CPSF6: variants seen among roughly 807,000 people sequenced by gnomAD.
CPSF6 encodes cleavage and polyadenylation specific factor 6, also known as cleavage and polyadenylation specificity factor subunit 6.
In CPSF6, 10 loss-of-function variants were observed where a neutral mutation model predicts 56.7. The observed-to-expected ratio is 0.18, with a 90% CI of 0.11 to 0.30. CPSF6 has a LOEUF of 0.30. Ranked by LOEUF, CPSF6 falls within the 10% of genes least tolerant of loss-of-function variation. The pLI is 1.00. For synonymous variants in CPSF6, 248 were observed against 244.8 expected (o/e 1.01, Z -0.12); for missense variants, 419 against 722.9 (o/e 0.58, Z 4.82).
intron 9 of CPSF6, among the ~76,000 whole-genome samples, chr12:69,268,880 AAAAGT>A (rs1442717260): frequency 6.6e-6 from 1 of 151,816 alleles, no homozygotes; most frequent in Non-Finnish European, 1.5e-5. Flanking sequence ...GGAATAGACT[AAAAGT>A]AAAGTAAATG....
intron 9 of CPSF6, among the ~76,000 whole-genome samples, chr12:69,263,931 A>AAC (rs938053699): frequency 6.6e-6 from 1 of 152,088 alleles, no homozygotes; most frequent in Non-Finnish European, 1.5e-5. Flanking sequence ...TACAAAATTT[A>AAC]ATATAAATCT....
chr12:69,246,954 C>G (rs960113014), intron 1 of CPSF6, among the ~76,000 whole-genome samples: 2 of 152,142 alleles, frequency 1.3e-5, no homozygotes, highest in Non-Finnish European at 2.9e-5. Context: ...CATGAACCAC[C>G]ATGCCTAGCC....
At position 69,239,709 on chromosome 12, in the gene CPSF6, A is replaced by G. The variant is rs774787655; in HGVS notation, c.60+3A>G. On this transcript the variant is annotated splice_donor_region_variant and intron_variant, in intron 1 of 9. Transcript: ENST00000435070. ...ATGTCGGCGAAGAGTTCAACCAGGTACGTGAGAGCCCAGGTCCCCGCCGCC... is the reference window on the plus strand; with the variant it reads ...ATGTCGGCGAAGAGTTCAACCAGGTGCGTGAGAGCCCAGGTCCCCGCCGCC... 6.3e-7 allele frequency: 1 copy of G among 1,580,608 alleles called. No homozygotes were observed. Among genetic ancestry groups the G allele is most frequent in the Admixed American group, 1.8e-5 (1 of 56,916 alleles).
At chr12:69,268,815 C>T (rs1873113423) in intron 9 of CPSF6, among the ~76,000 whole-genome samples, 1 of 151,458 alleles carries the variant, frequency 6.6e-6, no homozygotes, top group Admixed American at 6.6e-5. Context: ...TGTAGATTCC[C>T]ACTTAGCTTG....
Position 69,270,715 on chromosome 12 carries a change from G to T in CPSF6, c.*1207G>T, listed in dbSNP as rs1233360551. 1.3e-5 allele frequency: 2 copies of T among 151,636 alleles called. No homozygotes were observed. Among genetic ancestry groups the T allele is most frequent in the Non-Finnish European group, 3.0e-5 (2 of 67,622 alleles). 9.4% of individuals were successfully genotyped at this position (151,636 alleles called of 1,614,324 possible). ...TTCATGCTATAGTTACTTAATCAAAGATTTTTTTCAAACCTGCCTTACATA... is the reference window on the plus strand; with the variant it reads ...TTCATGCTATAGTTACTTAATCAAATATTTTTTTCAAACCTGCCTTACATA... On this transcript the variant is annotated 3_prime_UTR_variant, in exon 10 of 10. Transcript: ENST00000435070.
rs530045594 is a variant in CPSF6, at chr12:69,252,938, A to C, written c.271-113A>C. Reference sequence around the variant, plus strand: ...TGGCCATAACTAGACTTAGATTTGCACTCAGCATTTATTTTCTCTTTTATG... The same window carrying C: ...TGGCCATAACTAGACTTAGATTTGCCCTCAGCATTTATTTTCTCTTTTATG... On this transcript the variant is annotated intron_variant, in intron 2 of 9. Coordinates refer to ENST00000435070, the MANE Select transcript of CPSF6 (RefSeq NM_007007.3). The C allele has an allele frequency of 1.4e-5, 9 of 620,868 alleles. No homozygotes were observed. The East Asian group carries it at 2.6e-4, about 18-fold the overall frequency. The allele number at this position is 620,868 out of a possible 1,614,324, so 38.5% of individuals were successfully genotyped here.
intron 3 of CPSF6, 87 bp from the exon 4 acceptor site, chr12:69,256,610 G>A: frequency 7.5e-7 from 1 of 1,327,004 alleles, no homozygotes. Flanking sequence ...TTAGATAAAA[G>A]CAGATTAAGA....
chr12:69,264,387 G>A (rs959834597), intron 9 of CPSF6, among the ~76,000 whole-genome samples: 8 of 151,980 alleles, frequency 5.3e-5, no homozygotes, highest in Admixed American at 1.3e-4. Context: ...AATTTCTACT[G>A]GTTTTAGTAA....
chr12:69,257,873 C>T lies in CPSF6; in HGVS notation c.662C>T (p.Ala221Val), dbSNP rs1332825024. 6.2e-7 allele frequency: 1 copy of T among 1,603,930 alleles called. No homozygotes were observed. Among genetic ancestry groups the T allele is most frequent in the South Asian group, 1.1e-5 (1 of 89,650 alleles). ...VPGGDRFPGP[A>V]GPGGPPPPFP... ...GGTGGGGACAGATTTCCTGGGCCAG[C>T]AGGACCAGGAGGGCCACCCCCACCT... The change falls in exon 5 of 10, where the codon GCA becomes GTA. Residue 221 changes from alanine (A) to valine (V), a missense_variant. Physicochemically the swap from Ala to Val is moderately conservative, Grantham distance 64. Coordinates refer to ENST00000435070, the MANE Select transcript of CPSF6 (RefSeq NM_007007.3).
intron 5 of CPSF6, 26 bp downstream of exon 5, chr12:69,257,931 G>T (rs1175206560): frequency 1.9e-6 from 3 of 1,594,404 alleles, no homozygotes; most frequent in African/African-American, 2.7e-5. Flanking sequence ...AATTACCATG[G>T]ATAAAACATG....
At chr12:69,256,547 A>G (rs1273716911) in intron 3 of CPSF6, 150 bp from the exon 4 acceptor site, 5 of 705,394 alleles carry the variant, frequency 7.1e-6, no homozygotes, top group Non-Finnish European at 8.9e-6. Flanking sequence ...TCGTGCCTCA[A>G]CCTTCTAAGC....
chr12:69,259,205 G>A, intron 6 of CPSF6, 111 bp downstream of exon 6: 1 of 1,329,726 alleles, frequency 7.5e-7, no homozygotes, highest in Non-Finnish European at 1.0e-6. Context: ...CCAAGAAGAT[G>A]AGGTGTTTAA....
intron 1 of CPSF6, among the ~76,000 whole-genome samples, chr12:69,247,669 A>T (rs1047190595): frequency 2.0e-5 from 3 of 152,162 alleles, no homozygotes; most frequent in African/African-American, 7.2e-5. Flanking sequence ...ATGACCTGTG[A>T]TATACATTTT....
intron 9 of CPSF6, 59 bp from the exon 10 acceptor site, chr12:69,269,453 T>A (rs2120653993): frequency 8.9e-6 from 4 of 448,834 alleles, no homozygotes; most frequent in African/African-American, 2.0e-5. Context: ...TAAGCCAGCG[T>A]TTTTCTGTGT....
intron 9 of CPSF6, 30 bp from the exon 10 acceptor site, chr12:69,269,482 A>T (rs1352699422): frequency 2.2e-6 from 1 of 452,748 alleles, no homozygotes; most frequent in Non-Finnish European, 4.4e-6. Context: ...GAATAGCAAA[A>T]TCTACATCAC....
chr12:69,260,310 G>T, intron 8 of CPSF6, 113 bp downstream of exon 8: 1 of 771,810 alleles, frequency 1.3e-6, no homozygotes, highest in Non-Finnish European at 1.9e-6. Flanking sequence ...TTATTTAGCA[G>T]CTGGAGTGGT....
chr12:69,268,979 C>G (rs1313245076), intron 9 of CPSF6, among the ~76,000 whole-genome samples: 1 of 151,830 alleles, frequency 6.6e-6, no homozygotes, highest in African/African-American at 2.4e-5. Flanking sequence ...ATCTTACTTA[C>G]AAATTTTGTA....
At chr12:69,265,009 AAAGGGC>A (rs768550775) in intron 9 of CPSF6, among the ~76,000 whole-genome samples, 1 of 152,162 alleles carries the variant, frequency 6.6e-6, no homozygotes, top group Non-Finnish European at 1.5e-5. Flanking sequence ...TGAATGGCTA[AAAGGGC>A]AAGTTCTTAA....
intron 1 of CPSF6, among the ~76,000 whole-genome samples, chr12:69,240,267 A>G (rs1277877188): frequency 6.6e-6 from 1 of 151,866 alleles, no homozygotes; most frequent in African/African-American, 2.4e-5. Context: ...CCGCGCGCCC[A>G]GTCCCCGGGG....
Sources: gnomAD v4.1 joint callset for allele counts (sites outside exome capture counted in the v4.1 genomes callset) on GRCh38, gnomAD v4.1.1 for gene constraint, MANE v1.5 for transcripts, NCBI Gene and HGNC (gene_info 2026-07-23, HGNC 2026-07-21) for gene names.